The following TIMM29 variants were observed in gnomAD, a reference collection of about 807,000 sequenced individuals.
TIMM29 encodes the protein translocase of inner mitochondrial membrane 29.
In TIMM29, 23 loss-of-function variants were observed where a neutral mutation model predicts 19.5. That is an observed-to-expected ratio of 1.18 (90% CI 0.85 to 1.67). The LOEUF is 1.67. TIMM29 is among the 40% of genes most tolerant of loss of function. TIMM29 has a pLI of 0.00. For synonymous variants in TIMM29, 209 were observed against 185.0 expected, an observed-to-expected ratio of 1.13 and a Z score of -1.05; for missense variants, 404 against 384.7, an observed-to-expected ratio of 1.05 and a Z score of -0.42.
At chr19:10,928,959 C>T in intron 1 of TIMM29, 43 bp downstream of exon 1, 2 of 1,480,546 alleles carry the variant, frequency 1.4e-6, no homozygotes, top group Non-Finnish European at 8.9e-7. Flanking sequence ...GCCGCCGCGA[C>T]AGGGTGGGTG....
Position 10,928,846 on chromosome 19 carries a change from A to AT in TIMM29, c.28dup (p.Trp10LeufsTer45). ...GGATGGCCGCGGCGGCTCTGAGGAG[A>AT]TTTTGGTCCCGGCGCCGCGCAGAGG... is the stretch of plus-strand genomic sequence containing the variant. On this transcript the variant is annotated frameshift_variant, in exon 1 of 2. Transcript: ENST00000270502. LOFTEE classifies it high-confidence loss of function. 6.6e-7 allele frequency: 1 copy of AT among 1,524,142 alleles called. No homozygotes were observed. Among genetic ancestry groups the AT allele is most frequent in the Non-Finnish European group, 8.8e-7 (1 of 1,140,528 alleles). 94.4% of individuals were successfully genotyped at this position (1,524,142 alleles called of 1,614,324 possible).
chr19:10,929,349 C>T lies in TIMM29; in HGVS notation c.430C>T (p.Leu144Phe), dbSNP rs1403952640. 6.3e-7 allele frequency: 1 copy of T among 1,582,698 alleles called. No homozygotes were observed. The highest frequency in any genetic ancestry group is 1.1e-5 in the South Asian group (1 of 88,822). Reference sequence around the variant, plus strand: ...GGCGCCCTTCGACGCCCAGGCCAGCCTCTACCAGGCGCGTTGCCGCTACCT... The same window carrying T: ...GGCGCCCTTCGACGCCCAGGCCAGCTTCTACCAGGCGCGTTGCCGCTACCT... ...YEAPFDAQAS[L>F]YQARCRYLQP... Residue 144 changes from leucine (L) to phenylalanine (F), a missense_variant, in exon 2 of 2, where the codon CTC (leucine) becomes TTC (phenylalanine). Coordinates refer to ENST00000270502, the MANE Select transcript of TIMM29 (RefSeq NM_138358.4).
Position 10,929,641 on chromosome 19 carries a change from A to T in TIMM29, c.722A>T (p.Lys241Met), listed in dbSNP as rs1442334300. ...LWEEQVLQKEKKDRLALSQAH... is the reference protein window; with the variant it reads ...LWEEQVLQKEMKDRLALSQAH... ...GAGGAGCAGGTCTTGCAGAAGGAGA[A>T]GAAGGACAGGCTCGCCCTGAGCCAG... The change falls in exon 2 of 2, where the codon AAG (lysine) becomes ATG (methionine). Residue 241 changes from lysine to methionine, a missense_variant. By Grantham distance (95) the Lys-to-Met change is moderately conservative. Coordinates refer to ENST00000270502, the MANE Select transcript of TIMM29 (RefSeq NM_138358.4). 3 of 1,612,956 alleles carry T rather than the reference A, an allele frequency of 1.9e-6. No individual in the cohort carries two copies. The highest frequency in any genetic ancestry group is 2.5e-6 in the Non-Finnish European group (3 of 1,179,988).
chr19:10,929,765 C>T lies in TIMM29; in HGVS notation c.*63C>T. 2 of 1,448,100 alleles carry T rather than the reference C, an allele frequency of 1.4e-6. No homozygotes were observed. The highest frequency in any genetic ancestry group is 1.3e-5 in the South Asian group (1 of 75,496). The allele number at this position is 1,448,100 out of a possible 1,614,324, so 89.7% of individuals were successfully genotyped here. ...TGGGGTGGTGCAGTTCTGAGTGTGC[C>T]TCACCTGCAGAACAGCTGAGACAGA... On this transcript the variant is annotated 3_prime_UTR_variant, in exon 2 of 2. Transcript: ENST00000270502.
In TIMM29 at chr19:10,929,717, C is replaced by G; in HGVS notation, c.*15C>G. The stretch of plus-strand genomic sequence containing the variant: ...CCCCGAGATGAAACCCTGAGGCCCC[C>G]GAGTCCTGGCAAACTGCTTGCCTGG... On this transcript the variant is annotated 3_prime_UTR_variant, in exon 2 of 2. Coordinates refer to ENST00000270502, the MANE Select transcript of TIMM29 (RefSeq NM_138358.4). 6.4e-7 allele frequency: 1 copy of G among 1,569,268 alleles called. No individual in the cohort carries two copies.
In TIMM29 at chr19:10,929,202, C is replaced by G. The variant is rs777369006; in HGVS notation, c.283C>G (p.Leu95Val). 6.8e-7 allele frequency: 1 copy of G among 1,478,752 alleles called. No homozygotes were observed. The highest frequency in any genetic ancestry group is 1.4e-5 in the African/African-American group (1 of 70,614). 91.6% of individuals were successfully genotyped at this position (1,478,752 alleles called of 1,614,324 possible). ...EALLEASGTL[L>V]LLAPATRNRE... is the part of the protein sequence containing the mutation. ...GCTGCTGGAGGCGTCGGGGACCCTCCTGCTGCTGGCGCCGGCCACCCGCAA... is the reference window on the plus strand; with the variant it reads ...GCTGCTGGAGGCGTCGGGGACCCTCGTGCTGCTGGCGCCGGCCACCCGCAA... The change falls in exon 2 of 2, where the codon CTG becomes GTG. Residue 95 changes from leucine (L) to valine (V), a missense_variant. Leu to Val is a conservative substitution (Grantham distance 32). Coordinates refer to ENST00000270502, the MANE Select transcript of TIMM29 (RefSeq NM_138358.4).
Position 10,928,829 on chromosome 19 carries a change from G to A in TIMM29, c.7G>A (p.Ala3Thr). MA[A>T]AALRRFWSRR... ...ACCCCCAAGACGGAAGAGGATGGCC[G>A]CGGCGGCTCTGAGGAGATTTTGGTC... Residue 3 changes from alanine (A) to threonine (T), a missense_variant, in exon 1 of 2, where the codon GCG (alanine) becomes ACG (threonine). Physicochemically the swap from Ala to Thr is moderately conservative, Grantham distance 58 (BLOSUM62 0). Transcript: ENST00000270502. The A allele has an allele frequency of 6.5e-7, 1 of 1,529,298 alleles. No individual in the cohort carries two copies. The highest frequency in any genetic ancestry group is 2.7e-5 in the East Asian group (1 of 37,606). The allele number at this position is 1,529,298 out of a possible 1,614,324, so 94.7% of individuals were successfully genotyped here.
rs1454742746 is a variant in TIMM29 at position 10,929,070 on chromosome 19, G to A, written c.151G>A (p.Ala51Thr). Residue 51 changes from alanine (A) to threonine (T), a missense_variant, in exon 2 of 2, where the codon GCG becomes ACG. By Grantham distance (58) the Ala-to-Thr change is moderately conservative. Coordinates refer to ENST00000270502, the MANE Select transcript of TIMM29 (RefSeq NM_138358.4). ...DYAEACRDAS[A>T]EARARPGRAA... ...CGCCGAGGCCTGCAGGGACGCTTCG[G>A]CGGAGGCTAGGGCCCGGCCGGGGCG... The A allele has an allele frequency of 4.1e-6, 6 of 1,465,384 alleles. No individual in the cohort carries two copies. In the African/African-American group the frequency reaches 5.9e-5, roughly 15 times the overall value. The allele number at this position is 1,465,384 out of a possible 1,614,324, so 90.8% of individuals were successfully genotyped here.
chr19:10,929,470 TCAA>T lies in TIMM29; in HGVS notation c.553_555del (p.Asn185del), dbSNP rs776213771. On this transcript the variant is annotated inframe_deletion, in exon 2 of 2. Transcript: ENST00000270502. ...GGGGCCTGGATGCGCGACTGCGACA[TCAA>T]CGACGACGAATTCCTGCACCTGCCG... 9 of 1,612,822 alleles carry T rather than the reference TCAA, an allele frequency of 5.6e-6. No homozygotes were observed. In the African/African-American group the frequency reaches 8.0e-5, roughly 14 times the overall value.
At position 10,929,642 on chromosome 19, in the gene TIMM29, G is replaced by A. The variant is rs544987672; in HGVS notation, c.723G>A (p.Lys241=). The change falls in exon 2 of 2, where the codon AAG becomes AAA. Residue 241 remains lysine, a synonymous_variant. Transcript: ENST00000270502. ...LWEEQVLQKE[K]KDRLALSQAH... is the part of the protein sequence containing the mutation. Reference sequence around the variant, plus strand: ...AGGAGCAGGTCTTGCAGAAGGAGAAGAAGGACAGGCTCGCCCTGAGCCAGG... The same window carrying A: ...AGGAGCAGGTCTTGCAGAAGGAGAAAAAGGACAGGCTCGCCCTGAGCCAGG... 139 of 1,613,032 alleles carry A rather than the reference G, an allele frequency of 8.6e-5. 5 individuals are homozygous for A. The South Asian group carries it at 1.5e-3, about 17-fold the overall frequency.
At position 10,929,317 on chromosome 19, in the gene TIMM29, T is replaced by G. The variant is rs1028055153; in HGVS notation, c.398T>G (p.Val133Gly). 1 of 1,553,668 alleles carries G rather than the reference T, an allele frequency of 6.4e-7. No homozygotes were observed. The highest frequency in any genetic ancestry group is 1.7e-4 in the Middle Eastern group (1 of 5,962). Residue 133 changes from valine (V) to glycine (G), a missense_variant, in exon 2 of 2, where the codon GTG (valine) becomes GGG (glycine). By Grantham distance (109) the Val-to-Gly change is moderately radical. Transcript: ENST00000270502. ...RYVNLGLCSL[V>G]YEAPFDAQAS... Reference sequence around the variant, plus strand: ...GTCAACCTGGGGCTCTGCTCGCTGGTGTACGAGGCGCCCTTCGACGCCCAG... The same window carrying G: ...GTCAACCTGGGGCTCTGCTCGCTGGGGTACGAGGCGCCCTTCGACGCCCAG...
intron 1 of TIMM29, 44 bp from the exon 2 acceptor site, chr19:10,928,970 G>A: frequency 6.8e-7 from 1 of 1,465,630 alleles, no homozygotes. Context: ...AGGGTGGGTG[G>A]CCGCCGCGGC....
chr19:10,929,758 AGT>A lies in TIMM29; in HGVS notation c.*60_*61del. ...GCTTGCCTGGGGTGGTGCAGTTCTG[AGT>A]GTGCCTCACCTGCAGAACAGCTGAG... On this transcript the variant is annotated 3_prime_UTR_variant, in exon 2 of 2. Coordinates refer to ENST00000270502, the MANE Select transcript of TIMM29 (RefSeq NM_138358.4). 4.1e-6 allele frequency: 6 copies of A among 1,475,150 alleles called. No homozygotes were observed. Among genetic ancestry groups the A allele is most frequent in the Non-Finnish European group, 5.5e-6 (6 of 1,096,120 alleles). 91.4% of individuals were successfully genotyped at this position (1,475,150 alleles called of 1,614,324 possible).
At position 10,929,722 on chromosome 19, in the gene TIMM29, C is replaced by G; in HGVS notation, c.*20C>G. On this transcript the variant is annotated 3_prime_UTR_variant, in exon 2 of 2. Coordinates refer to ENST00000270502, the MANE Select transcript of TIMM29 (RefSeq NM_138358.4). ...AGATGAAACCCTGAGGCCCCCGAGTCCTGGCAAACTGCTTGCCTGGGGTGG... is the reference window on the plus strand; with the variant it reads ...AGATGAAACCCTGAGGCCCCCGAGTGCTGGCAAACTGCTTGCCTGGGGTGG... The G allele has an allele frequency of 6.4e-7, 1 of 1,565,462 alleles. No individual in the cohort carries two copies. Among genetic ancestry groups the G allele is most frequent in the Non-Finnish European group, 8.7e-7 (1 of 1,153,816 alleles).
rs2083476631 is a variant in TIMM29, at chr19:10,929,500, C to T, written c.581C>T (p.Ala194Val). 1 of 1,612,932 alleles carries T rather than the reference C, an allele frequency of 6.2e-7. No individual in the cohort carries two copies. The highest frequency in any genetic ancestry group is 1.3e-5 in the African/African-American group (1 of 74,934). ...GACGACGAATTCCTGCACCTGCCGG[C>T]GCATTTGCGGGTGGTCGGGCCCCAG... is the stretch of plus-strand genomic sequence containing the variant. ...INDDEFLHLP[A>V]HLRVVGPQQL... Residue 194 changes from alanine (A) to valine (V), a missense_variant, in exon 2 of 2, where the codon GCG becomes GTG. Transcript: ENST00000270502.
In TIMM29 at chr19:10,929,678, G is replaced by A. The variant is rs1485248325; in HGVS notation, c.759G>A (p.Leu253=). 3 of 1,608,494 alleles carry A rather than the reference G, an allele frequency of 1.9e-6. No homozygotes were observed. In the African/African-American group the frequency reaches 4.0e-5, roughly 22 times the overall value. The part of the protein sequence containing the change: ...DRLALSQAHS[L]VQAEAPR ...TCGCCCTGAGCCAGGCCCACTCGCT[G>A]GTGCAGGCGGAGGCCCCGAGATGAA... The change falls in exon 2 of 2, where the codon CTG becomes CTA. Residue 253 remains leucine, a synonymous_variant. Transcript: ENST00000270502.
At position 10,929,281 on chromosome 19, in the gene TIMM29, G is replaced by C. The variant is rs1296214193; in HGVS notation, c.362G>C (p.Arg121Pro). ...QRLLWLRGRGRLRYVNLGLCS... is the reference protein window; with the variant it reads ...QRLLWLRGRGPLRYVNLGLCS... ...CTGCTCTGGCTGCGGGGCCGTGGCC[G>C]CCTGCGCTACGTCAACCTGGGGCTC... The change falls in exon 2 of 2, where the codon CGC (arginine) becomes CCC (proline). Residue 121 changes from arginine (R) to proline (P), a missense_variant. Transcript: ENST00000270502. 2 of 1,539,602 alleles carry C rather than the reference G, an allele frequency of 1.3e-6. No homozygotes were observed. The highest frequency in any genetic ancestry group is 2.7e-5 in the African/African-American group (2 of 73,016).
rs868142978 is a variant in TIMM29, at chr19:10,930,032, G to A, written c.*330G>A. 1.4e-4 allele frequency: 34 copies of A among 244,520 alleles called. No individual in the cohort carries two copies. The highest frequency in any genetic ancestry group is 1.3e-3 in the Middle Eastern group (1 of 746). 15.1% of individuals were successfully genotyped at this position (244,520 alleles called of 1,614,324 possible). A position where few individuals can be genotyped will look rare whatever the true frequency, so the allele number is the denominator to read the frequency against. ...AGGTACCACATTGGTCAGCTGACTT[G>A]CAAACTCTTCTAAGGCCACTTAGAT... On this transcript the variant is annotated 3_prime_UTR_variant, in exon 2 of 2. Transcript: ENST00000270502.
At position 10,929,794 on chromosome 19, in the gene TIMM29, T is replaced by A; in HGVS notation, c.*92T>A. The A allele has an allele frequency of 7.8e-7, 1 of 1,289,122 alleles. No homozygotes were observed. Among genetic ancestry groups the A allele is most frequent in the Non-Finnish European group, 1.0e-6 (1 of 952,992 alleles). 79.9% of individuals were successfully genotyped at this position (1,289,122 alleles called of 1,614,324 possible). A position where few individuals can be genotyped will look rare whatever the true frequency, so the allele number is the denominator to read the frequency against. Reference sequence around the variant, plus strand: ...CCTGCAGAACAGCTGAGACAGATGATGTGCAAAGTGTTTTCTCACTGGATT... The same window carrying A: ...CCTGCAGAACAGCTGAGACAGATGAAGTGCAAAGTGTTTTCTCACTGGATT... On this transcript the variant is annotated 3_prime_UTR_variant, in exon 2 of 2. Coordinates refer to ENST00000270502, the MANE Select transcript of TIMM29 (RefSeq NM_138358.4).
Sources: gnomAD v4.1 joint callset for allele counts on GRCh38, gnomAD v4.1.1 for gene constraint, MANE v1.5 for transcripts, NCBI Gene and HGNC (gene_info 2026-07-23, HGNC 2026-07-21) for gene names.